Variants in CNBD1 observed in about 807,000 individuals in gnomAD.
CNBD1 encodes cyclic nucleotide binding domain containing 1.
Under a neutral mutation model 54.4 loss-of-function variants are expected in CNBD1, and 71 were observed. That is an observed-to-expected ratio of 1.30 (90% CI 1.08 to 1.59). The LOEUF (loss-of-function observed/expected upper bound fraction) is 1.59, where lower values mean the gene tolerates loss of function less well. Among genes scored for constraint, CNBD1 ranks in the 40% most tolerant of loss-of-function variants. CNBD1 has a pLI of 0.00. For missense variants in CNBD1, 659 were observed against 518.0 expected, an observed-to-expected ratio of 1.27 and a Z score of -2.64; for synonymous variants, 182 against 170.7, an observed-to-expected ratio of 1.07 and a Z score of -0.51.
At chr8:87,033,048 A>G (rs979015227) in intron 4 of CNBD1, among the ~76,000 whole-genome samples, 3 of 151,702 alleles carry the variant, frequency 2.0e-5, no homozygotes, top group Non-Finnish European at 4.4e-5. Context: ...GAAGTCATAC[A>G]CAACATCTGT....
At chr8:87,324,674 T>C (rs1809629440) in intron 8 of CNBD1, among the ~76,000 whole-genome samples, 1 of 151,856 alleles carries the variant, frequency 6.6e-6, no homozygotes, top group African/African-American at 2.4e-5. Context: ...TTTTATTGTG[T>C]CTATTTGATT....
intron 8 of CNBD1, among the ~76,000 whole-genome samples, chr8:87,315,324 T>G (rs2130894179): frequency 6.6e-6 from 1 of 152,180 alleles, no homozygotes; most frequent in South Asian, 2.1e-4. Flanking sequence ...CTGGTATCTC[T>G]GTTTGTTTGT....
Position 87,276,585 on chromosome 8 carries a change from A to T in CNBD1, c.772-8093A>T, listed in dbSNP as rs542223425. On this transcript the variant is annotated intron_variant, in intron 6 of 10. Coordinates refer to ENST00000518476, the MANE Select transcript of CNBD1 (RefSeq NM_173538.3). ...AAGCTCAGTTGCTTCAATCTATTGA[A>T]TGTCAGTCTGCTTTATACCATGGTG... Among the ~76,000 whole-genome samples, 5 of 152,016 alleles carry T rather than the reference A, an allele frequency of 3.3e-5. No individual in the cohort carries two copies. In the East Asian group the frequency reaches 9.7e-4, roughly 29 times the overall value.
intron 4 of CNBD1, among the ~76,000 whole-genome samples, chr8:87,143,414 C>T (rs527415438): frequency 2.6e-5 from 4 of 152,242 alleles, no homozygotes; most frequent in Non-Finnish European, 4.4e-5. Context: ...CCCTCAAACT[C>T]AATATGTACA....
intron 4 of CNBD1, among the ~76,000 whole-genome samples, chr8:87,181,514 A>T (rs898450529): frequency 6.6e-6 from 1 of 152,198 alleles, no homozygotes; most frequent in Non-Finnish European, 1.5e-5. Context: ...GTTGTTCAAA[A>T]TATTCACTGG....
chr8:87,130,577 G>A (rs1812097102), intron 4 of CNBD1, among the ~76,000 whole-genome samples: 1 of 152,050 alleles, frequency 6.6e-6, no homozygotes, highest in Non-Finnish European at 1.5e-5. Flanking sequence ...AGGAGGTCAA[G>A]ACCAGCTTGG....
intron 4 of CNBD1, among the ~76,000 whole-genome samples, chr8:86,952,794 C>T (rs140197887): frequency 1.1e-3 from 160 of 152,148 alleles, no homozygotes; most frequent in African/African-American, 3.4e-3. Flanking sequence ...AAACCATCAC[C>T]GCAATTTAGA....
Position 86,997,716 on chromosome 8 carries a change from G to A in CNBD1, c.431+57962G>A, listed in dbSNP as rs943064200. On this transcript the variant is annotated intron_variant, in intron 4 of 10. Coordinates refer to ENST00000518476, the MANE Select transcript of CNBD1 (RefSeq NM_173538.3). ...TGACCTTTATTGCAGTAGCCTTCAG[G>A]TTCCTAAGGAGTTACCACTGGGAGG... is the stretch of plus-strand genomic sequence containing the variant. Among the ~76,000 whole-genome samples, 3 of 152,156 alleles carry A rather than the reference G, an allele frequency of 2.0e-5. 1 individual carries two copies. The South Asian group carries it at 6.2e-4, about 32-fold the overall frequency.
At position 86,984,989 on chromosome 8, in the gene CNBD1, C is replaced by T. The variant is rs189990837; in HGVS notation, c.431+45235C>T. ...GGAATGACATGGTTTGGCTGTGTCC[C>T]CATCCAAATCTCATCTTGAATTCCC... On this transcript the variant is annotated intron_variant, in intron 4 of 10. Coordinates refer to ENST00000518476, the MANE Select transcript of CNBD1 (RefSeq NM_173538.3). Among the ~76,000 whole-genome samples, 268 of 152,122 alleles carry T rather than the reference C, an allele frequency of 1.8e-3. 2 individuals are homozygous for T. Among genetic ancestry groups the T allele is most frequent in the African/African-American group, 6.1e-3 (254 of 41,514 alleles).
chr8:86,933,569 A>C (rs772339280), intron 3 of CNBD1, among the ~76,000 whole-genome samples: 5 of 152,188 alleles, frequency 3.3e-5, no homozygotes, highest in Admixed American at 6.5e-5. Context: ...TCTTTGATAA[A>C]TCTGTAATGA....
rs142749873 is a variant in CNBD1, at chr8:87,307,835, C to G, written c.1042+21164C>G. On this transcript the variant is annotated intron_variant, in intron 8 of 10. Transcript: ENST00000518476. ...AATATCTTTCCATTTTAAGTGATGG[C>G]AGTCAAACTCAATGAAGCAAGAGAA... 1.2e-3 allele frequency among the ~76,000 whole-genome samples: 189 copies of G among 151,390 alleles called. 2 individuals carry two copies. In the East Asian group the frequency reaches 0.02, roughly 16 times the overall value.
At chr8:87,341,984 C>T (rs962972089) in intron 8 of CNBD1, among the ~76,000 whole-genome samples, 2 of 152,106 alleles carry the variant, frequency 1.3e-5, no homozygotes, top group African/African-American at 4.8e-5. Flanking sequence ...ACAAACAAAA[C>T]TCATCTGGGC....
chr8:87,078,533 G>A (rs1338523655), intron 4 of CNBD1, among the ~76,000 whole-genome samples: 2 of 152,172 alleles, frequency 1.3e-5, no homozygotes, highest in South Asian at 2.1e-4. Context: ...AACATTATTT[G>A]TTTGAGGGGA....
chr8:87,262,655 T>C (rs1808166466), intron 6 of CNBD1, among the ~76,000 whole-genome samples: 1 of 152,172 alleles, frequency 6.6e-6, no homozygotes, highest in South Asian at 2.1e-4. Flanking sequence ...TATGCCTGCT[T>C]TGAAGAATTC....
At chr8:87,109,675 A>T (rs1251649534) in intron 4 of CNBD1, among the ~76,000 whole-genome samples, 2 of 151,388 alleles carry the variant, frequency 1.3e-5, no homozygotes, top group Non-Finnish European at 2.9e-5. Flanking sequence ...AGTAGCTGGG[A>T]CTACAGGCGC....
At chr8:87,316,404 G>A (rs190495463) in intron 8 of CNBD1, among the ~76,000 whole-genome samples, 1 of 151,860 alleles carries the variant, frequency 6.6e-6, no homozygotes, top group African/African-American at 2.4e-5. Context: ...TTTTATTAAT[G>A]TATGAAATTT....
intron 8 of CNBD1, among the ~76,000 whole-genome samples, chr8:87,332,143 T>G (rs1809847222): frequency 6.6e-6 from 1 of 151,996 alleles, no homozygotes; most frequent in Non-Finnish European, 1.5e-5. Flanking sequence ...AGGTCAGGAG[T>G]TCGAGATCAG....
chr8:87,059,321 A>G (rs1810493986), intron 4 of CNBD1, among the ~76,000 whole-genome samples: 1 of 152,192 alleles, frequency 6.6e-6, no homozygotes, highest in Non-Finnish European at 1.5e-5. Flanking sequence ...TGAGCCCTCT[A>G]AACTATTTCA....
intron 4 of CNBD1, among the ~76,000 whole-genome samples, chr8:86,972,154 C>G (rs534639082): frequency 3.9e-5 from 6 of 152,106 alleles, no homozygotes; most frequent in Non-Finnish European, 5.9e-5. Context: ...GTTTCACCAT[C>G]TTGGCCAGGC....
Sources: allele counts gnomAD v4.1 joint callset (sites outside exome capture counted in the v4.1 genomes callset), GRCh38; gene constraint gnomAD v4.1.1; transcripts MANE v1.5; gene names NCBI Gene and HGNC (gene_info 2026-07-23, HGNC 2026-07-21).